Variants in TRAF3IP3 observed in about 807,000 individuals in gnomAD.
TRAF3IP3 encodes the protein TRAF3-interacting JNK-activating modulator.
Under a neutral mutation model 86.5 loss-of-function variants are expected in TRAF3IP3, and 64 were observed. The ratio of observed to expected loss-of-function variants is 0.74; its 90% CI spans 0.60 to 0.91. TRAF3IP3 has a LOEUF of 0.91. Ranked by LOEUF, TRAF3IP3 falls within the 40% of genes least tolerant of loss-of-function variation. The probability of loss-of-function intolerance (pLI) is 0.00; values close to 1 mark genes in which losing one functional copy is unlikely to be tolerated. For synonymous variants in TRAF3IP3, 220 were observed against 243.9 expected, an observed-to-expected ratio of 0.90 and a Z score of 0.91; for missense variants, 579 against 642.9, an observed-to-expected ratio of 0.90 and a Z score of 1.07.
At chr1:209,775,819 C>A in intron 11 of TRAF3IP3, 83 bp downstream of exon 11, 1 of 1,363,474 alleles carries the variant, frequency 7.3e-7, no homozygotes, top group Non-Finnish European at 9.9e-7. Flanking sequence ...GGATTAGGGA[C>A]TCCAAAGGCA....
intron 8 of TRAF3IP3, among the ~76,000 whole-genome samples, chr1:209,772,151 C>T (rs971883426): frequency 3.3e-5 from 5 of 151,850 alleles, no homozygotes; most frequent in Admixed American, 6.6e-5. Context: ...TGACAAAGTA[C>T]CACAGTCAGG....
In TRAF3IP3 at chr1:209,760,391, C is replaced by T. The variant is rs376821139; in HGVS notation, c.345+7C>T. 2.5e-5 allele frequency: 39 copies of T among 1,571,644 alleles called. No homozygotes were observed. The highest frequency in any genetic ancestry group is 1.5e-4 in the South Asian group (13 of 86,102). The stretch of plus-strand genomic sequence containing the variant: ...TTCTTCTCCCAGAGAGCAGGTGGGC[C>T]GTGTCAAGGGACATACTGCTGTGTG... On this transcript the variant is annotated splice_region_variant and intron_variant, in intron 3 of 16. Transcript: ENST00000367025.
chr1:209,763,515 C>A lies in TRAF3IP3; in HGVS notation c.630C>A (p.Val210=). 1.2e-6 allele frequency: 2 copies of A among 1,614,152 alleles called. No homozygotes were observed. Among genetic ancestry groups the A allele is most frequent in the Non-Finnish European group, 1.7e-6 (2 of 1,180,028 alleles). ...AGGAGGCCCTACAAAGGGAGCTGGT[C>A]CTAAAACAGAAAATGGTGATTCTCC... ...YLKEALQREL[V]LKQKMVILQD... Residue 210 remains valine, a synonymous_variant, in exon 8 of 17, where the codon GTC becomes GTA. Coordinates refer to ENST00000367025, the MANE Select transcript of TRAF3IP3 (RefSeq NM_025228.4).
chr1:209,760,114 C>G lies in TRAF3IP3; in HGVS notation c.75C>G (p.Arg25=), dbSNP rs775082132. The G allele has an allele frequency of 6.8e-6, 11 of 1,614,198 alleles. No individual in the cohort carries two copies. The Admixed American group carries it at 1.8e-4, about 27-fold the overall frequency. The change falls in exon 3 of 17, where the codon CGC becomes CGG. Residue 25 remains arginine (R), a synonymous_variant. Coordinates refer to ENST00000367025, the MANE Select transcript of TRAF3IP3 (RefSeq NM_025228.4). ...AGAGCTATGAGGCCAAGTGTGAGCG[C>G]AGGCAAGAGATCCGTGAAAGCCGCC... The part of the protein sequence containing the change: ...WAESYEAKCE[R]RQEIRESRRC...
intron 7 of TRAF3IP3, 21 bp from the exon 8 acceptor site, chr1:209,763,471 A>G: frequency 6.2e-7 from 1 of 1,613,770 alleles, no homozygotes; most frequent in Non-Finnish European, 8.5e-7. Flanking sequence ...ACCCTCTTGC[A>G]CTTTGTGCCC....
Position 209,778,147 on chromosome 1 carries a change from TG to T in TRAF3IP3, c.1228del (p.Val410Ter), listed in dbSNP as rs2077698277. On this transcript the variant is annotated frameshift_variant, in exon 13 of 17. Transcript: ENST00000367025. LOFTEE classifies it high-confidence loss of function. ...AGGTCAGAGGCAGAGAAACTCACCC[TG>T]GTGACCAGAGTACAGCAGTTGCAGG... Reference protein sequence around the residue: ...LKRSEAEKLTLVTRVQQLQGL... With the variant: ...LKRSEAEKLTXVTRVQQLQGL... The T allele has an allele frequency of 6.2e-7, 1 of 1,614,050 alleles. No homozygotes were observed. The highest frequency in any genetic ancestry group is 8.5e-7 in the Non-Finnish European group (1 of 1,180,004).
chr1:209,762,938 C>G, intron 5 of TRAF3IP3, 68 bp downstream of exon 5: 1 of 1,607,830 alleles, frequency 6.2e-7, no homozygotes, highest in Non-Finnish European at 8.5e-7. Context: ...AATGAATTTC[C>G]ATGTCCGCCT....
chr1:209,775,458 T>G lies in TRAF3IP3; in HGVS notation c.884T>G (p.Met295Arg), dbSNP rs750785668. 7 of 1,613,834 alleles carry G rather than the reference T, an allele frequency of 4.3e-6. No individual in the cohort carries two copies. In the Admixed American group the frequency reaches 1.0e-4, roughly 23 times the overall value. ...CTGCAGAAAGTGCTGGAGGAGAAAATGAATGCAGAGCAGCAACTACAGAGC... is the reference window on the plus strand; with the variant it reads ...CTGCAGAAAGTGCTGGAGGAGAAAAGGAATGCAGAGCAGCAACTACAGAGC... Reference protein sequence around the residue: ...ESLQKVLEEKMNAEQQLQSTQ... With the variant: ...ESLQKVLEEKRNAEQQLQSTQ... Residue 295 changes from methionine (M) to arginine (R), a missense_variant, in exon 10 of 17, where the codon ATG becomes AGG. Physicochemically the swap from Met to Arg is moderately conservative, Grantham distance 91. Coordinates refer to ENST00000367025, the MANE Select transcript of TRAF3IP3 (RefSeq NM_025228.4).
Position 209,775,050 on chromosome 1 carries a change from G to GA in TRAF3IP3, c.775-293dup, listed in dbSNP as rs1203061508. ...CTGGTCACTGAGATAGGAACCCCAA[G>GA]AAAAAAGAACATGTTTAGAAAGATG... On this transcript the variant is annotated intron_variant, in intron 9 of 16. Coordinates refer to ENST00000367025, the MANE Select transcript of TRAF3IP3 (RefSeq NM_025228.4). Among the ~76,000 whole-genome samples, 13 of 152,218 alleles carry GA rather than the reference G, an allele frequency of 8.5e-5. 1 individual carries two copies. The highest frequency in any genetic ancestry group is 6.5e-4 in the Admixed American group (10 of 15,302).
intron 8 of TRAF3IP3, among the ~76,000 whole-genome samples, chr1:209,769,245 C>CG (rs11419290): frequency 0.52 from 78,751 of 152,016 alleles, 21,420 homozygotes; most frequent in African/African-American, 0.69. Context: ...TGTGTGGAAC[C>CG]GAAGATGTGA....
chr1:209,763,289 C>A (rs1163000075), intron 6 of TRAF3IP3, 74 bp from the exon 7 acceptor site: 1 of 1,559,452 alleles, frequency 6.4e-7, no homozygotes, highest in African/African-American at 1.4e-5. Context: ...CAAGCCAGCC[C>A]AGGCTCTGGT....
At chr1:209,763,172 C>A in intron 6 of TRAF3IP3, 80 bp downstream of exon 6, 1 of 1,529,912 alleles carries the variant, frequency 6.5e-7, no homozygotes, top group Non-Finnish European at 9.1e-7. Flanking sequence ...ATAAACTTGG[C>A]TGGGATGGAG....
chr1:209,775,427 G>C lies in TRAF3IP3; in HGVS notation c.853G>C (p.Glu285Gln), dbSNP rs112506565. ...AAACAGCTATGAGCAGAAGGCCAAG[G>C]AGTCACTGCAGAAAGTGCTGGAGGA... Reference protein sequence around the residue: ...QKNSYEQKAKESLQKVLEEKM... With the variant: ...QKNSYEQKAKQSLQKVLEEKM... The change falls in exon 10 of 17, where the codon GAG becomes CAG. Residue 285 changes from glutamate to glutamine, a missense_variant. Physicochemically the swap from Glu to Gln is conservative, Grantham distance 29. Coordinates refer to ENST00000367025, the MANE Select transcript of TRAF3IP3 (RefSeq NM_025228.4). 9 of 1,614,104 alleles carry C rather than the reference G, an allele frequency of 5.6e-6. No homozygotes were observed. The highest frequency in any genetic ancestry group is 7.6e-6 in the Non-Finnish European group (9 of 1,180,034).
At chr1:209,771,187 GTGGAGGTGTGCGTGTT>G (rs2077501939) in intron 8 of TRAF3IP3, among the ~76,000 whole-genome samples, 2 of 148,268 alleles carry the variant, frequency 1.3e-5, no homozygotes, top group Non-Finnish European at 1.5e-5. Flanking sequence ...GCGTGCGCAT[GTGGAGGTGTGCGTGTT>G]CATGTGAAGG....
Position 209,782,307 on chromosome 1 carries a change from CAG to C in TRAF3IP3, c.*161_*162del. 1 of 613,688 alleles carries C rather than the reference CAG, an allele frequency of 1.6e-6. No homozygotes were observed. The highest frequency in any genetic ancestry group is 1.9e-5 in the South Asian group (1 of 52,542). 38.0% of individuals were successfully genotyped at this position (613,688 alleles called of 1,614,324 possible). ...CTACTGTAAATAAACTTCACCTGAC[CAG>C]ATTGTTCCTCAGAACTCTCAGTTTA... On this transcript the variant is annotated 3_prime_UTR_variant, in exon 17 of 17. Transcript: ENST00000367025.
At chr1:209,762,438 T>C in intron 3 of TRAF3IP3, 77 bp from the exon 4 acceptor site, 1 of 1,382,262 alleles carries the variant, frequency 7.2e-7, no homozygotes, top group Non-Finnish European at 9.5e-7. Context: ...TGGTTAGTTC[T>C]TCCTTCCGAA....
chr1:209,772,840 C>A, intron 8 of TRAF3IP3, 108 bp from the exon 9 acceptor site: 1 of 911,518 alleles, frequency 1.1e-6, no homozygotes, highest in Non-Finnish European at 1.7e-6. Flanking sequence ...AAAGAGTTCA[C>A]TGTTTGAGCA....
chr1:209,775,546 G>A, intron 10 of TRAF3IP3, 53 bp from the exon 11 acceptor site: 2 of 1,614,160 alleles, frequency 1.2e-6, no homozygotes, highest in East Asian at 2.2e-5. Flanking sequence ...TGGGGAACAA[G>A]GGGAGCCAGC....
intron 13 of TRAF3IP3, chr1:209,778,378 G>T (rs41274834): frequency 0.078 from 38,697 of 494,076 alleles, 4,719 homozygotes; most frequent in East Asian, 0.34. Flanking sequence ...TTTTTCTACT[G>T]TTCTCCTTCC....
Sources: gnomAD v4.1 joint callset for allele counts (sites outside exome capture counted in the v4.1 genomes callset) on GRCh38, gnomAD v4.1.1 for gene constraint, MANE v1.5 for transcripts, NCBI Gene and HGNC (gene_info 2026-07-23, HGNC 2026-07-21) for gene names.